Variants in TTC13 observed in about 807,000 individuals in gnomAD.
The protein encoded by TTC13 is tetratricopeptide repeat protein 13.
A neutral mutation model predicts 120.0 loss-of-function variants in TTC13; 62 were observed. The ratio of observed to expected loss-of-function variants is 0.52; its 90% confidence interval spans 0.42 to 0.64. TTC13 has a LOEUF of 0.64. Among genes scored for constraint, TTC13 ranks in the 30% least tolerant of loss-of-function variants. The pLI is 0.00. For synonymous variants in TTC13, 384 were observed against 393.5 expected, an observed-to-expected ratio of 0.98 and a Z score of 0.28; for missense variants, 824 against 1,050.2, an observed-to-expected ratio of 0.78 and a Z score of 2.98.
chr1:230,968,552 G>A (rs1677395430), intron 1 of TTC13, among the ~76,000 whole-genome samples: 1 of 152,164 alleles, frequency 6.6e-6, no homozygotes, highest in African/African-American at 2.4e-5. Context: ...TGTCTAAGGA[G>A]AGAAGGGGCA....
At chr1:230,916,327 G>C in intron 17 of TTC13, 25 bp from the exon 18 acceptor site, 1 of 1,522,612 alleles carries the variant, frequency 6.6e-7, no homozygotes, top group Non-Finnish European at 9.1e-7. Flanking sequence ...GAAAATTCAC[G>C]TTACTAGTGT....
At chr1:230,916,439 C>A in intron 17 of TTC13, 137 bp from the exon 18 acceptor site, 1 of 680,116 alleles carries the variant, frequency 1.5e-6, no homozygotes, top group Middle Eastern at 3.6e-4. Context: ...AGATGGTGGC[C>A]TGGTGGCCAA....
Position 230,916,284 on chromosome 1 carries a change from T to G in TTC13, c.2002A>C (p.Lys668Gln). The G allele has an allele frequency of 6.2e-7, 1 of 1,614,054 alleles. No individual in the cohort carries two copies. Among genetic ancestry groups the G allele is most frequent in the Non-Finnish European group, 8.5e-7 (1 of 1,179,876 alleles). The change falls in exon 18 of 23, where the codon AAG (lysine) becomes CAG (glutamine). Residue 668 changes from lysine to glutamine, a missense_variant. Physicochemically the swap from Lys to Gln is moderately conservative, Grantham distance 53. Around this residue, in one of 4 missense-constraint regions of TTC13, gnomAD observed 226 missense variants for 259.1 expected, o/e 0.87. Transcript: ENST00000366661. ...TTTGTGTTCACGGTGAACCCATCCT[T>G]CGTTTTAGTATTAAACTGCTTTCAG... ...PIMKQFNTKT[K>Q]DGFTVNTKVP... is the part of the protein sequence containing the mutation.
Position 230,978,534 on chromosome 1 carries a change from T to C in TTC13, c.271+26A>G. ...CCGCTGCCCCGCCGCCCCGGCCGAC[T>C]CGGACGCCCGCCGCCGCCCACTCAC... On this transcript the variant is annotated intron_variant, in intron 1 of 22. Coordinates refer to ENST00000366661, the MANE Select transcript of TTC13 (RefSeq NM_024525.5). This position sits in a 1 kb window ranked among gnomAD's most constrained non-coding sequence, Gnocchi z 5.6. The C allele has an allele frequency of 3.7e-6, 3 of 811,516 alleles. No individual in the cohort carries two copies. Among genetic ancestry groups the C allele is most frequent in the Non-Finnish European group, 5.0e-6 (3 of 597,520 alleles). 50.3% of individuals were successfully genotyped at this position (811,516 alleles called of 1,614,324 possible). A position where few individuals can be genotyped will look rare whatever the true frequency, so the allele number is the denominator to read the frequency against.
chr1:230,939,333 C>T, intron 8 of TTC13, 53 bp downstream of exon 8: 2 of 1,164,130 alleles, frequency 1.7e-6, no homozygotes, highest in Middle Eastern at 2.0e-4. Flanking sequence ...TCCTCCCACC[C>T]ACAAAAGAGA....
At chr1:230,929,150 T>C (rs928052341) in intron 11 of TTC13, 57 bp from the exon 12 acceptor site, 30 of 1,533,758 alleles carry the variant, frequency 2.0e-5, no homozygotes, top group Non-Finnish European at 2.7e-5. Context: ...AACTTTCTTA[T>C]GGCTAGCTGC....
At chr1:230,947,399 C>T (rs951107337) in intron 4 of TTC13, among the ~76,000 whole-genome samples, 1 of 152,116 alleles carries the variant, frequency 6.6e-6, no homozygotes, top group East Asian at 1.9e-4. Context: ...AGTCAACAGT[C>T]GAACCGAACC....
intron 4 of TTC13, among the ~76,000 whole-genome samples, chr1:230,953,210 C>T (rs1173435549): frequency 6.6e-6 from 1 of 152,030 alleles, no homozygotes; most frequent in East Asian, 1.9e-4. Context: ...ACATGACCAC[C>T]CAAATATACC....
intron 1 of TTC13, among the ~76,000 whole-genome samples, chr1:230,973,728 G>C (rs1370302575): frequency 1.3e-5 from 2 of 152,202 alleles, no homozygotes; most frequent in Non-Finnish European, 2.9e-5. Context: ...TCTGTAAAGA[G>C]TATAAAGATA....
At chr1:230,948,761 G>T (rs970095984) in intron 4 of TTC13, among the ~76,000 whole-genome samples, 6 of 151,976 alleles carry the variant, frequency 3.9e-5, no homozygotes, top group African/African-American at 1.4e-4. Flanking sequence ...AAGTGCTGGG[G>T]TTACAGGCGT....
At chr1:230,951,928 G>A (rs560197322) in intron 4 of TTC13, among the ~76,000 whole-genome samples, 4 of 152,254 alleles carry the variant, frequency 2.6e-5, no homozygotes, top group Admixed American at 6.5e-5. Flanking sequence ...ACAGTGTCTC[G>A]ATGACACTGG....
Position 230,906,761 on chromosome 1 carries a change from G to T in TTC13, c.*144C>A. 2.5e-6 allele frequency: 1 copy of T among 402,972 alleles called. No homozygotes were observed. The highest frequency in any genetic ancestry group is 4.5e-6 in the Non-Finnish European group (1 of 221,314). The allele number at this position is 402,972 out of a possible 1,614,324, so 25.0% of individuals were successfully genotyped here. A position where few individuals can be genotyped will look rare whatever the true frequency, so the allele number is the denominator to read the frequency against. ...TTTCATTATGGTTCAGAAAAGTAAA[G>T]AAAATGATTTCAAGTATTCAATTCC... On this transcript the variant is annotated 3_prime_UTR_variant, in exon 23 of 23. Transcript: ENST00000366661.
intron 1 of TTC13, among the ~76,000 whole-genome samples, chr1:230,964,785 C>G (rs936384596): frequency 6.6e-6 from 1 of 152,144 alleles, no homozygotes; most frequent in African/African-American, 2.4e-5. Flanking sequence ...AACAGACACA[C>G]AGACTAATGG....
intron 1 of TTC13, among the ~76,000 whole-genome samples, chr1:230,973,004 GC>G (rs1159767509): frequency 2.0e-5 from 3 of 152,140 alleles, no homozygotes; most frequent in Admixed American, 6.5e-5. Context: ...CTTTGCACTG[GC>G]AAATTTACTC....
chr1:230,967,605 A>G (rs1677254313), intron 1 of TTC13, among the ~76,000 whole-genome samples: 1 of 152,148 alleles, frequency 6.6e-6, no homozygotes, highest in Non-Finnish European at 1.5e-5. Flanking sequence ...GCTTGCTAAT[A>G]TTTTACTTAA....
At chr1:230,967,761 A>G (rs1214736946) in intron 1 of TTC13, among the ~76,000 whole-genome samples, 2 of 152,208 alleles carry the variant, frequency 1.3e-5, no homozygotes, top group Non-Finnish European at 2.9e-5. Context: ...TTACTTTACT[A>G]TCATAAATGA....
At chr1:230,908,427 T>A (rs1017642692) in intron 22 of TTC13, 3 of 501,088 alleles carry the variant, frequency 6.0e-6, no homozygotes, top group Non-Finnish European at 1.1e-5. Context: ...TGGCCTCAAA[T>A]GATCCTTCCA....
At chr1:230,958,711 C>T (rs1053566679) in intron 2 of TTC13, among the ~76,000 whole-genome samples, 4 of 152,194 alleles carry the variant, frequency 2.6e-5, no homozygotes, top group Admixed American at 6.5e-5. Flanking sequence ...CTTAGATAGA[C>T]GGGGCATGGT....
chr1:230,906,938 T>G lies in TTC13; in HGVS notation c.2550A>C (p.Thr850=). 1 of 1,534,326 alleles carries G rather than the reference T, an allele frequency of 6.5e-7. No homozygotes were observed. The highest frequency in any genetic ancestry group is 1.3e-5 in the South Asian group (1 of 79,370). Residue 850 remains threonine, a synonymous_variant, in exon 23 of 23, where the codon ACA becomes ACC. Coordinates refer to ENST00000366661, the MANE Select transcript of TTC13 (RefSeq NM_024525.5). The part of the protein sequence containing the change: ...TLRSMIEVLN[T]DSSPRCLKKL The stretch of plus-strand genomic sequence containing the variant: ...TCTTAAGACAACGTGGAGAAGAGTC[T>G]GTGTTTAGCACCTCAATCATCGATC...
Sources: gnomAD v4.1 joint callset for allele counts (sites outside exome capture counted in the v4.1 genomes callset) on GRCh38, gnomAD v4.1.1 for gene constraint, gnomAD v4.1.1 regional missense constraint, Gnocchi (gnomAD v3.1) non-coding constraint, MANE v1.5 for transcripts, NCBI Gene and HGNC (gene_info 2026-07-23, HGNC 2026-07-21) for gene names.